The following SIDT2 variants were observed in gnomAD, a reference collection of about 807,000 sequenced individuals.
SIDT2 encodes SID1 transmembrane family, member 2.
SIDT2 carries 68 observed loss-of-function variants against 114.4 expected under a neutral mutation model. That is an observed-to-expected ratio of 0.59 (90% confidence interval 0.49 to 0.73). The LOEUF is 0.73. Among genes scored for constraint, SIDT2 ranks in the 30% least tolerant of loss-of-function variants. SIDT2 has a pLI of 0.00. For synonymous variants in SIDT2, 470 were observed against 438.4 expected (o/e 1.07, Z -0.90); for missense variants, 918 against 1,097.1 (o/e 0.84, Z 2.31).
rs2030581179 is a variant in SIDT2, at chr11:117,188,519, C to T, written c.1160-189C>T. 8.2e-6 allele frequency: 5 copies of T among 607,328 alleles called. No individual in the cohort carries two copies. The East Asian group carries it at 1.1e-4, about 13-fold the overall frequency. The allele number at this position is 607,328 out of a possible 1,614,324, so 37.6% of individuals were successfully genotyped here. A position where few individuals can be genotyped will look rare whatever the true frequency, so the allele number is the denominator to read the frequency against. ...GCCTCTTCTAGAGTCTACCATCATC[C>T]CCCAGGACTTAGGAGCACCTGATGT... On this transcript the variant is annotated intron_variant, in intron 12 of 25. Transcript: ENST00000324225. The surrounding 1 kb of genome is among the most constrained non-coding windows in gnomAD (Gnocchi z 4.0).
intron 10 of SIDT2, 72 bp from the exon 11 acceptor site, chr11:117,187,302 CCTTT>C (rs2030533272): frequency 7.1e-7 from 1 of 1,417,702 alleles, no homozygotes; most frequent in African/African-American, 1.4e-5. Context: ...CTTCTCTGGA[CCTTT>C]CTTTGTTCTT....
At chr11:117,180,559 C>G (rs2030243007) in intron 1 of SIDT2, among the ~76,000 whole-genome samples, 1 of 130,220 alleles carries the variant, frequency 7.7e-6, no homozygotes, top group East Asian at 2.3e-4. Context: ...TTTTTTGAGA[C>G]CAGTCTCACT....
intron 4 of SIDT2, 185 bp downstream of exon 4, chr11:117,182,290 T>C (rs1039428543): frequency 2.6e-6 from 2 of 756,058 alleles, no homozygotes; most frequent in East Asian, 5.4e-5. Flanking sequence ...TACAGAGACA[T>C]GGAGTCTGGT....
chr11:117,187,561 G>A lies in SIDT2; in HGVS notation c.1088-67G>A, dbSNP rs1450124638. ...ACCTCCTCCAGCCCCCACACCCTCTGCAGATGCTCAGAGCCCCTTTCCCTG... is the reference window on the plus strand; with the variant it reads ...ACCTCCTCCAGCCCCCACACCCTCTACAGATGCTCAGAGCCCCTTTCCCTG... On this transcript the variant is annotated intron_variant, in intron 11 of 25. Coordinates refer to ENST00000324225, the MANE Select transcript of SIDT2 (RefSeq NM_001040455.2). 11 of 1,598,994 alleles carry A rather than the reference G, an allele frequency of 6.9e-6. No individual in the cohort carries two copies. In the South Asian group the frequency reaches 1.1e-4, roughly 16 times the overall value.
At chr11:117,186,504 A>T in intron 9 of SIDT2, 80 bp from the exon 10 acceptor site, 1 of 1,311,912 alleles carries the variant, frequency 7.6e-7, no homozygotes, top group Non-Finnish European at 1.1e-6. Context: ...TGGAGCAGAG[A>T]GGTAGAAGGA....
At chr11:117,194,805 AG>A (rs2030830840) in intron 24 of SIDT2, among the ~76,000 whole-genome samples, 1 of 152,000 alleles carries the variant, frequency 6.6e-6, no homozygotes, top group Non-Finnish European at 1.5e-5. Context: ...TTGGGTGAGG[AG>A]GGCTGGGCAC....
rs1231389777 is a variant in SIDT2 at position 117,187,482 on chromosome 11, G to A, written c.1087+33G>A. 2.5e-6 allele frequency: 4 copies of A among 1,607,038 alleles called. No homozygotes were observed. In the South Asian group the frequency reaches 3.3e-5, roughly 13 times the overall value. ...TCAAAGCCAGCACCGTGCTTGCTGG[G>A]GACATGACCTTGTCTCCTTAGGCCA... On this transcript the variant is annotated intron_variant, in intron 11 of 25. Transcript: ENST00000324225.
chr11:117,195,882 C>G lies in SIDT2; in HGVS notation c.2403C>G (p.Phe801Leu). 6.2e-7 allele frequency: 1 copy of G among 1,614,238 alleles called. No individual in the cohort carries two copies. The highest frequency in any genetic ancestry group is 1.1e-5 in the South Asian group (1 of 91,088). The change falls in exon 25 of 26, where the codon TTC becomes TTG. Residue 801 changes from phenylalanine (F) to leucine (L), a missense_variant. Transcript: ENST00000324225. ...DFFDDHDIWH[F>L]LSSIAMFGSF... ...TTGACGACCACGACATCTGGCACTTCCTCTCCTCCATCGCCATGTTCGGGT... is the reference window on the plus strand; with the variant it reads ...TTGACGACCACGACATCTGGCACTTGCTCTCCTCCATCGCCATGTTCGGGT...
rs1411812725 is a variant in SIDT2 at position 117,186,174 on chromosome 11, C to A, written c.913C>A (p.Leu305Ile). The A allele has an allele frequency of 6.2e-7, 1 of 1,613,984 alleles. No individual in the cohort carries two copies. Among genetic ancestry groups the A allele is most frequent in the Non-Finnish European group, 8.5e-7 (1 of 1,180,016 alleles). ...SGMLFCLGIF[L>I]SFYLLTVLLA... is the part of the protein sequence containing the mutation. ...GATGCTCTTTTGCCTGGGTATATTT[C>A]TCTCCTTTTACCTGCTGACCGTCCT... The change falls in exon 9 of 26, where the codon CTC (leucine) becomes ATC (isoleucine). Residue 305 changes from leucine (L) to isoleucine (I), a missense_variant. Physicochemically the swap from Leu to Ile is conservative, Grantham distance 5 (BLOSUM62 2). Transcript: ENST00000324225.
rs2030570428 is a variant in SIDT2 at position 117,188,165 on chromosome 11, CT to C, written c.1159+467del. 5.4e-6 allele frequency: 2 copies of C among 367,730 alleles called. No homozygotes were observed. The highest frequency in any genetic ancestry group is 4.1e-5 in the South Asian group (2 of 48,216). The allele number at this position is 367,730 out of a possible 1,614,324, so 22.8% of individuals were successfully genotyped here. A position where few individuals can be genotyped will look rare whatever the true frequency, so the allele number is the denominator to read the frequency against. Reference sequence around the variant, plus strand: ...CTCCGCTCTCTCCAGGCTGGACAATCTAGTTTATCGTCTGCGTTGCCAGCGC... The same window carrying C: ...CTCCGCTCTCTCCAGGCTGGACAATCAGTTTATCGTCTGCGTTGCCAGCGC... On this transcript the variant is annotated intron_variant, in intron 12 of 25. Coordinates refer to ENST00000324225, the MANE Select transcript of SIDT2 (RefSeq NM_001040455.2). This position sits in a 1 kb window ranked among gnomAD's most constrained non-coding sequence, Gnocchi z 4.0.
chr11:117,181,464 G>A lies in SIDT2; in HGVS notation c.232G>A (p.Ala78Thr). 1 of 1,613,782 alleles carries A rather than the reference G, an allele frequency of 6.2e-7. No individual in the cohort carries two copies. Among genetic ancestry groups the A allele is most frequent in the Non-Finnish European group, 8.5e-7 (1 of 1,179,948 alleles). ...SVNVLNKQKG[A>T]PLLFVVRQKE... ...GAACGTCCTGAACAAGCAGAAGGGG[G>A]CGCCGTTGCTGTTTGTGGTCCGCCA... is the stretch of plus-strand genomic sequence containing the variant. Residue 78 changes from alanine (A) to threonine (T), a missense_variant, in exon 2 of 26, where the codon GCG (alanine) becomes ACG (threonine). Ala to Thr is a moderately conservative substitution (Grantham distance 58, BLOSUM62 0). Transcript: ENST00000324225.
In SIDT2 at chr11:117,186,167, T is replaced by C. The variant is rs967712085; in HGVS notation, c.906T>C (p.Gly302=). 6.2e-7 allele frequency: 1 copy of C among 1,614,020 alleles called. No homozygotes were observed. Among genetic ancestry groups the C allele is most frequent in the Admixed American group, 1.7e-5 (1 of 59,990 alleles). ...TCAGTGGGATGCTCTTTTGCCTGGGTATATTTCTCTCCTTTTACCTGCTGA... is the reference window on the plus strand; with the variant it reads ...TCAGTGGGATGCTCTTTTGCCTGGGCATATTTCTCTCCTTTTACCTGCTGA... The part of the protein sequence containing the change: ...AYVSGMLFCL[G]IFLSFYLLTV... Residue 302 remains glycine (G), a synonymous_variant, in exon 9 of 26, where the codon GGT becomes GGC. Coordinates refer to ENST00000324225, the MANE Select transcript of SIDT2 (RefSeq NM_001040455.2).
intron 7 of SIDT2, 55 bp downstream of exon 7, chr11:117,183,933 GGGA>G (rs2030397092): frequency 1.3e-6 from 2 of 1,539,032 alleles, no homozygotes; most frequent in Non-Finnish European, 1.8e-6. Flanking sequence ...GTCACTTTCT[GGGA>G]GCAAGAAGAG....
At chr11:117,181,243 C>T (rs1249464272) in intron 1 of SIDT2, among the ~76,000 whole-genome samples, 173 bp from the exon 2 acceptor site, 3 of 152,036 alleles carry the variant, frequency 2.0e-5, no homozygotes, top group Non-Finnish European at 4.4e-5. Context: ...ACAGGTCTTT[C>T]CTGGAGTCTG....
chr11:117,185,998 C>T (rs2030480823), intron 8 of SIDT2, 132 bp from the exon 9 acceptor site: 9 of 691,428 alleles, frequency 1.3e-5, no homozygotes, highest in Non-Finnish European at 2.3e-5. Context: ...ACTGGCTAGG[C>T]AGGGCCTTAC....
At chr11:117,186,774 A>G (rs2030512707) in intron 10 of SIDT2, 138 bp downstream of exon 10, 1 of 944,406 alleles carries the variant, frequency 1.1e-6, no homozygotes, top group Non-Finnish European at 1.6e-6. Context: ...CACTCCACAG[A>G]TGGGAATGAG....
At chr11:117,182,249 G>C in intron 4 of SIDT2, 144 bp downstream of exon 4, 8 of 950,882 alleles carry the variant, frequency 8.4e-6, no homozygotes, top group African/African-American at 1.6e-5. Flanking sequence ...CTCTGGCCCT[G>C]ACATGGTGAG....
At position 117,192,097 on chromosome 11, in the gene SIDT2, A is replaced by G; in HGVS notation, c.1872+83A>G. 1.9e-6 allele frequency: 3 copies of G among 1,588,296 alleles called. No individual in the cohort carries two copies. The highest frequency in any genetic ancestry group is 2.6e-6 in the Non-Finnish European group (3 of 1,163,890). On this transcript the variant is annotated intron_variant, in intron 19 of 25. Coordinates refer to ENST00000324225, the MANE Select transcript of SIDT2 (RefSeq NM_001040455.2). The surrounding 1 kb of genome is among the most constrained non-coding windows in gnomAD (Gnocchi z 5.9). ...AGACACGTAGTGCACACCCTCCGCCACCTCCTGCATGAGAGATTCCTGCTC... is the reference window on the plus strand; with the variant it reads ...AGACACGTAGTGCACACCCTCCGCCGCCTCCTGCATGAGAGATTCCTGCTC...
At chr11:117,182,285 A>G in intron 4 of SIDT2, 180 bp downstream of exon 4, 1 of 764,858 alleles carries the variant, frequency 1.3e-6, no homozygotes, top group South Asian at 1.8e-5. Flanking sequence ...GACTGTACAG[A>G]GACATGGAGT....
Sources: allele counts gnomAD v4.1 joint callset (sites outside exome capture counted in the v4.1 genomes callset), GRCh38; gene constraint gnomAD v4.1.1; non-coding constraint Gnocchi (gnomAD v3.1); transcripts MANE v1.5; gene names NCBI Gene and HGNC (gene_info 2026-07-23, HGNC 2026-07-21).